SLC44A5: variants seen among roughly 807,000 people sequenced by gnomAD.
The protein encoded by SLC44A5 is solute carrier family 44 member 5, also known as choline transporter-like protein 5.
A neutral mutation model predicts 101.8 loss-of-function variants in SLC44A5; 57 were observed. The ratio of observed to expected loss-of-function variants is 0.56; its 90% CI spans 0.45 to 0.70. SLC44A5 has a LOEUF of 0.70. Ranked by LOEUF, SLC44A5 falls within the 30% of genes least tolerant of loss-of-function variation. The pLI, the probability that SLC44A5 is intolerant of heterozygous loss-of-function variation, is 0.00. For synonymous variants in SLC44A5, 281 were observed against 290.9 expected, an observed-to-expected ratio of 0.97 and a Z score of 0.35; for missense variants, 737 against 853.1, an observed-to-expected ratio of 0.86 and a Z score of 1.70.
chr1:75,573,989 C>A (rs541876611), intron 1 of SLC44A5, among the ~76,000 whole-genome samples: 7 of 152,306 alleles, frequency 4.6e-5, no homozygotes, highest in African/African-American at 1.7e-4. Flanking sequence ...TATGGCAAAT[C>A]TGAAGACTGT....
chr1:75,533,022 C>A (rs1427133343), intron 2 of SLC44A5, among the ~76,000 whole-genome samples: 1 of 152,148 alleles, frequency 6.6e-6, no homozygotes, highest in East Asian at 1.9e-4. Flanking sequence ...CCACAAATTG[C>A]ACTTATGTCC....
the SLC44A5 span, among the ~76,000 whole-genome samples, chr1:75,637,357 C>G: frequency 6.6e-6 from 1 of 151,950 alleles, no homozygotes; most frequent in South Asian, 2.1e-4. Flanking sequence ...TGATACATGC[C>G]ACAACACTGA....
the SLC44A5 span, among the ~76,000 whole-genome samples, chr1:75,719,281 G>A: frequency 6.6e-6 from 1 of 152,112 alleles, no homozygotes; most frequent in Non-Finnish European, 1.5e-5. Flanking sequence ...TGGCGTTGAG[G>A]CTTTAAAACA....
intron 3 of SLC44A5, among the ~76,000 whole-genome samples, chr1:75,370,873 T>C (rs1660178801): frequency 3.3e-5 from 5 of 152,248 alleles, no homozygotes; most frequent in Admixed American, 2.6e-4. Flanking sequence ...TTTCTACTTA[T>C]TGCAGTTTGT....
intron 2 of SLC44A5, among the ~76,000 whole-genome samples, chr1:75,455,728 A>G (rs1020852395): frequency 6.6e-6 from 1 of 152,166 alleles, no homozygotes; most frequent in African/African-American, 2.4e-5. Flanking sequence ...AAAATAAGAC[A>G]TACAAGAGGC....
chr1:75,413,035 C>T (rs557458660), intron 2 of SLC44A5, among the ~76,000 whole-genome samples: 3 of 152,242 alleles, frequency 2.0e-5, no homozygotes, highest in Admixed American at 6.5e-5. Context: ...CACACCATCA[C>T]AAGAAGAAGG....
intron 2 of SLC44A5, among the ~76,000 whole-genome samples, chr1:75,426,974 T>C (rs982296889): frequency 6.6e-6 from 1 of 152,188 alleles, no homozygotes; most frequent in Non-Finnish European, 1.5e-5. Flanking sequence ...GCTGTGTTTC[T>C]AGGATCCCAG....
At chr1:75,487,763 A>G (rs912639386) in intron 2 of SLC44A5, among the ~76,000 whole-genome samples, 8 of 152,280 alleles carry the variant, frequency 5.3e-5, no homozygotes, top group Non-Finnish European at 8.8e-5. Flanking sequence ...GAGATCGCCT[A>G]CTACCCACCT....
At chr1:75,343,045 C>T (rs992056335) in intron 3 of SLC44A5, among the ~76,000 whole-genome samples, 4 of 151,992 alleles carry the variant, frequency 2.6e-5, no homozygotes, top group Non-Finnish European at 5.9e-5. Flanking sequence ...ACTCTAATTG[C>T]GTCTCTGGAA....
chr1:75,595,191 T>C (rs533204426), intron 1 of SLC44A5, among the ~76,000 whole-genome samples: 106 of 152,176 alleles, frequency 7.0e-4, no homozygotes, highest in African/African-American at 2.5e-3. Context: ...AGATTCCAAA[T>C]GTGGAAAAGT....
At chr1:75,545,480 C>T (rs1383295276) in intron 1 of SLC44A5, among the ~76,000 whole-genome samples, 1 of 152,102 alleles carries the variant, frequency 6.6e-6, no homozygotes, top group Non-Finnish European at 1.5e-5. Flanking sequence ...TGGTTAGATT[C>T]AGATTATGCT....
chr1:75,463,598 T>C (rs1666639977), intron 2 of SLC44A5, among the ~76,000 whole-genome samples: 1 of 152,052 alleles, frequency 6.6e-6, no homozygotes, highest in South Asian at 2.1e-4. Context: ...TAGAATAGTA[T>C]ATATCTGGTG....
Position 75,364,953 on chromosome 1 carries a change from T to G in SLC44A5, c.53-25323A>C, listed in dbSNP as rs144025995. Among the ~76,000 whole-genome samples, 256 of 152,246 alleles carry G rather than the reference T, an allele frequency of 1.7e-3. 1 individual carries two copies. Among genetic ancestry groups the G allele is most frequent in the African/African-American group, 6.0e-3 (249 of 41,576 alleles). On this transcript the variant is annotated intron_variant, in intron 3 of 23. Coordinates refer to ENST00000370859, the MANE Select transcript of SLC44A5 (RefSeq NM_001130058.2). ...TTATTTATAATTATTTCTATTTTTG[T>G]CAAACTTATTTTGTTCATGAATTGT...
chr1:75,248,304 T>C (rs1316041558), intron 7 of SLC44A5, among the ~76,000 whole-genome samples: 2 of 152,024 alleles, frequency 1.3e-5, no homozygotes, highest in South Asian at 4.1e-4. Flanking sequence ...GCTTTGTATA[T>C]TGATGGAGAT....
chr1:75,706,544 T>C, the SLC44A5 span, among the ~76,000 whole-genome samples: 1 of 152,168 alleles, frequency 6.6e-6, no homozygotes, highest in Non-Finnish European at 1.5e-5. Flanking sequence ...CTAGTGTGAT[T>C]GTAAATTTGT....
intron 23 of SLC44A5, among the ~76,000 whole-genome samples, chr1:75,210,184 C>G (rs1169927903): frequency 6.6e-6 from 1 of 151,900 alleles, no homozygotes; most frequent in African/African-American, 2.4e-5. Flanking sequence ...GTAGCTAGGA[C>G]TACAGGTGTG....
chr1:75,345,258 T>A (rs911914121), intron 3 of SLC44A5, among the ~76,000 whole-genome samples: 1 of 152,080 alleles, frequency 6.6e-6, no homozygotes, highest in Non-Finnish European at 1.5e-5. Context: ...ACAAAGGAAG[T>A]AAGGGAGAAA....
At chr1:75,319,766 A>C in intron 4 of SLC44A5, among the ~76,000 whole-genome samples, 1 of 152,224 alleles carries the variant, frequency 6.6e-6, no homozygotes, top group East Asian at 1.9e-4. Context: ...TAATGATCAT[A>C]TATCATGAGT....
chr1:75,501,461 C>G (rs1668954846), intron 2 of SLC44A5, among the ~76,000 whole-genome samples: 1 of 152,158 alleles, frequency 6.6e-6, no homozygotes, highest in Non-Finnish European at 1.5e-5. Context: ...GATAGCAGAT[C>G]TTGCTACTTT....
Sources: gnomAD v4.1 joint callset for allele counts (sites outside exome capture counted in the v4.1 genomes callset) on GRCh38, gnomAD v4.1.1 for gene constraint, MANE v1.5 for transcripts, NCBI Gene and HGNC (gene_info 2026-07-23, HGNC 2026-07-21) for gene names.